The following FRRS1 variants were observed in gnomAD, a reference collection of about 807,000 sequenced individuals.
FRRS1 encodes ferric chelate reductase 1, also known as ferric reductase 1.
A neutral mutation model predicts 70.7 loss-of-function variants in FRRS1; 51 were observed. That is an observed-to-expected ratio of 0.72 (90% confidence interval 0.58 to 0.91). FRRS1 has a LOEUF of 0.91. FRRS1 is among the 40% of genes least tolerant of loss of function. The pLI is 0.00. For synonymous variants in FRRS1, 225 were observed against 238.7 expected (o/e 0.94, Z 0.53); for missense variants, 672 against 726.0 (o/e 0.93, Z 0.86).
intron 6 of FRRS1, among the ~76,000 whole-genome samples, chr1:99,740,345 C>T (rs1158454253): frequency 6.6e-6 from 1 of 152,174 alleles, no homozygotes; most frequent in Non-Finnish European, 1.5e-5. Context: ...TTCATTCTAA[C>T]CTGTAAGTCA....
At chr1:99,754,212 T>A (rs1571153574) in intron 1 of FRRS1, among the ~76,000 whole-genome samples, 1 of 152,118 alleles carries the variant, frequency 6.6e-6, no homozygotes, top group East Asian at 1.9e-4. Context: ...ATGCCTATAA[T>A]CCCAGCACTT....
At chr1:99,756,016 C>T (rs1329792559) in intron 1 of FRRS1, among the ~76,000 whole-genome samples, 1 of 152,042 alleles carries the variant, frequency 6.6e-6, no homozygotes, top group Non-Finnish European at 1.5e-5. Flanking sequence ...CAAACTAATA[C>T]ATAAATTCAT....
chr1:99,712,399 A>G lies in FRRS1; in HGVS notation c.1421+19T>C, dbSNP rs181645533. Reference sequence around the variant, plus strand: ...ATATCTACATTAAGAGAGCATTTATATAGAAAGGCTCTAAGTACCTTGGGT... The same window carrying G: ...ATATCTACATTAAGAGAGCATTTATGTAGAAAGGCTCTAAGTACCTTGGGT... On this transcript the variant is annotated intron_variant, in intron 13 of 16. Transcript: ENST00000646001. 1.6e-4 allele frequency: 240 copies of G among 1,494,886 alleles called. No homozygotes were observed. In the East Asian group the frequency reaches 5.1e-3, roughly 32 times the overall value. 92.6% of individuals were successfully genotyped at this position (1,494,886 alleles called of 1,614,324 possible). A position where few individuals can be genotyped will look rare whatever the true frequency, so the allele number is the denominator to read the frequency against.
intron 15 of FRRS1, among the ~76,000 whole-genome samples, chr1:99,710,055 A>T (rs1454382220): frequency 2.0e-5 from 3 of 152,216 alleles, no homozygotes; most frequent in African/African-American, 7.2e-5. Context: ...ATCAAGGATC[A>T]AAAGTAGCAG....
intron 1 of FRRS1, among the ~76,000 whole-genome samples, chr1:99,762,845 C>T (rs993999767): frequency 2.6e-5 from 4 of 152,122 alleles, no homozygotes; most frequent in African/African-American, 9.7e-5. Context: ...ACCAATTCTG[C>T]ACTCTACCTA....
chr1:99,731,708 C>G (rs1240695154), intron 7 of FRRS1, among the ~76,000 whole-genome samples: 1 of 152,224 alleles, frequency 6.6e-6, no homozygotes, highest in African/African-American at 2.4e-5. Context: ...TACATATCAT[C>G]TATGGCTGCT....
chr1:99,718,902 T>G (rs17121009), intron 10 of FRRS1, among the ~76,000 whole-genome samples: 16,264 of 152,190 alleles, frequency 0.11, 1,651 homozygotes, highest in African/African-American at 0.27. Context: ...TGACCCTGGC[T>G]GCAGTTAGAA....
intron 15 of FRRS1, 57 bp from the exon 16 acceptor site, chr1:99,709,316 T>A (rs575544593): frequency 2.3e-6 from 3 of 1,308,422 alleles, no homozygotes; most frequent in Admixed American, 3.5e-5. Flanking sequence ...TAAATTAAAT[T>A]TTTTAAAAAA....
intron 3 of FRRS1, chr1:99,747,786 T>C (rs1479829123): frequency 6.2e-6 from 1 of 161,880 alleles, no homozygotes; most frequent in East Asian, 1.8e-4. Context: ...CAAACCCTCG[T>C]GACATGGAAT....
intron 3 of FRRS1, chr1:99,748,337 C>A: frequency 5.5e-6 from 2 of 363,310 alleles, no homozygotes; most frequent in Non-Finnish European, 9.6e-6. Flanking sequence ...AGTGATAGCA[C>A]AATTAATAAA....
At position 99,748,661 on chromosome 1, in the gene FRRS1, A is replaced by G; in HGVS notation, c.108T>C (p.Ile36=). Residue 36 remains isoleucine, a synonymous_variant, in exon 3 of 17, where the codon ATT becomes ATC. Coordinates refer to ENST00000646001, the MANE Select transcript of FRRS1 (RefSeq NM_001361041.2). Reference sequence around the variant, plus strand: ...ACTGTGGACTATGACCATGTTCAGGAATCATTCCATGGCATGACTGTGTTA... The same window carrying G: ...ACTGTGGACTATGACCATGTTCAGGGATCATTCCATGGCATGACTGTGTTA... ...GKVTQSCHGM[I]PEHGHSPQSV... The G allele has an allele frequency of 2.5e-6, 4 of 1,613,922 alleles. No individual in the cohort carries two copies. Among genetic ancestry groups the G allele is most frequent in the Non-Finnish European group, 3.4e-6 (4 of 1,179,782 alleles).
At chr1:99,720,128 T>C (rs1233874087) in intron 9 of FRRS1, among the ~76,000 whole-genome samples, 4 of 152,308 alleles carry the variant, frequency 2.6e-5, no homozygotes, top group Middle Eastern at 3.4e-3. Flanking sequence ...AAGAAAAGCA[T>C]TTTATGATAC....
At chr1:99,727,234 G>GAGT (rs1477801294) in intron 9 of FRRS1, among the ~76,000 whole-genome samples, 2 of 152,036 alleles carry the variant, frequency 1.3e-5, no homozygotes, top group Non-Finnish European at 1.5e-5. Context: ...AGTAAGCACT[G>GAGT]AGTAATTTTT....
chr1:99,748,999 T>G lies in FRRS1; in HGVS notation c.-103A>C. The G allele has an allele frequency of 2.7e-6, 1 of 376,108 alleles. No individual in the cohort carries two copies. Among genetic ancestry groups the G allele is most frequent in the Non-Finnish European group, 4.7e-6 (1 of 211,400 alleles). 23.3% of individuals were successfully genotyped at this position (376,108 alleles called of 1,614,324 possible). ...CAAATCATTTAATCCTCCACTTCCT[T>G]ACCTGAAAAATAAGGAAACAAAGAT... On this transcript the variant is annotated splice_region_variant and 5_prime_UTR_variant, in exon 2 of 17. Transcript: ENST00000646001.
Position 99,740,911 on chromosome 1 carries a change from T to G in FRRS1, c.458A>C (p.Tyr153Ser), listed in dbSNP as rs201497224. 70 of 1,608,248 alleles carry G rather than the reference T, an allele frequency of 4.4e-5. No individual in the cohort carries two copies. The East Asian group carries it at 1.5e-3, about 34-fold the overall frequency. The change falls in exon 6 of 17, where the codon TAC (tyrosine) becomes TCC (serine). Residue 153 changes from tyrosine to serine, a missense_variant. Tyr to Ser is a moderately radical substitution (Grantham distance 144). Transcript: ENST00000646001. ...TATAGGACCAGGAATCTTCACCCAG[T>G]AGATTTTATACTTCTCAACAACTGT... Reference protein sequence around the residue: ...LVTVVEKYKIYWVKIPGPIIS... With the variant: ...LVTVVEKYKISWVKIPGPIIS...
rs540448327 is a variant in FRRS1, at chr1:99,752,679, GT to G, written c.-105-3679del. On this transcript the variant is annotated intron_variant, in intron 1 of 16. Coordinates refer to ENST00000646001, the MANE Select transcript of FRRS1 (RefSeq NM_001361041.2). ...TAATCCCCGCATTTTGGGAGGCCAAGTTGGGAGGATCACTTGAGCCCAGTAG... is the reference window on the plus strand; with the variant it reads ...TAATCCCCGCATTTTGGGAGGCCAAGTGGGAGGATCACTTGAGCCCAGTAG... Among the ~76,000 whole-genome samples, 28 of 152,340 alleles carry G rather than the reference GT, an allele frequency of 1.8e-4. No individual in the cohort carries two copies. In the South Asian group the frequency reaches 5.2e-3, roughly 28 times the overall value.
chr1:99,711,929 C>T (rs1245796902), intron 14 of FRRS1, among the ~76,000 whole-genome samples, 176 bp downstream of exon 14: 2 of 152,212 alleles, frequency 1.3e-5, no homozygotes, highest in East Asian at 3.8e-4. Flanking sequence ...GAAATAATGA[C>T]TTAAATCATT....
chr1:99,741,130 T>C (rs1305737224), intron 5 of FRRS1, among the ~76,000 whole-genome samples, 190 bp from the exon 6 acceptor site: 1 of 152,258 alleles, frequency 6.6e-6, no homozygotes, highest in Admixed American at 6.5e-5. Flanking sequence ...AAATTTTTAT[T>C]GCTTTCTCTC....
In FRRS1 at chr1:99,707,490, T is replaced by G. The variant is rs1654065128; in HGVS notation, c.*1538A>C. Among the ~76,000 whole-genome samples the G allele has an allele frequency of 6.6e-6, 1 of 152,144 alleles. No individual in the cohort carries two copies. The highest frequency in any genetic ancestry group is 6.5e-5 in the Admixed American group (1 of 15,280). The stretch of plus-strand genomic sequence containing the variant: ...TTCATTATTACAGGGTCAGGGGACT[T>G]GTAAAAACAAATATCAATTATTATA... On this transcript the variant is annotated 3_prime_UTR_variant, in exon 17 of 17. Coordinates refer to ENST00000646001, the MANE Select transcript of FRRS1 (RefSeq NM_001361041.2).
Sources: allele counts gnomAD v4.1 joint callset (sites outside exome capture counted in the v4.1 genomes callset), GRCh38; gene constraint gnomAD v4.1.1; transcripts MANE v1.5; gene names NCBI Gene and HGNC (gene_info 2026-07-23, HGNC 2026-07-21).